Variants in GPR149 observed in about 807,000 individuals in gnomAD.
The protein encoded by GPR149 is G protein-coupled receptor 149.
Under a neutral mutation model 50.2 loss-of-function variants are expected in GPR149, and 50 were observed. The observed-to-expected ratio is 1.00, with a 90% CI of 0.79 to 1.26. GPR149 has a LOEUF of 1.26. GPR149 is among the 50% of genes most tolerant of loss of function. The probability of loss-of-function intolerance (pLI) is 0.00; values close to 1 mark genes in which losing one functional copy is unlikely to be tolerated. For synonymous variants in GPR149, 405 were observed against 358.2 expected, an observed-to-expected ratio of 1.13 and a Z score of -1.48; for missense variants, 983 against 895.4, an observed-to-expected ratio of 1.10 and a Z score of -1.25.
chr3:154,421,160 T>C lies in GPR149; in HGVS notation c.1502A>G (p.Asn501Ser), dbSNP rs1365223733. ...AFSDKTGGDI[N>S]YEETTFSEGP... ...TTCAGAAAAGGTAGTTTCTTCATAG[T>C]TAATATCACCTCCTGTTTTGTCAGA... is the stretch of plus-strand genomic sequence containing the variant. Residue 501 changes from asparagine to serine, a missense_variant, in exon 3 of 4, where the codon AAC (asparagine) becomes AGC (serine). Asn to Ser is a conservative substitution (Grantham distance 46). Coordinates refer to ENST00000389740, the MANE Select transcript of GPR149 (RefSeq NM_001038705.3). 5.0e-6 allele frequency: 8 copies of C among 1,613,346 alleles called. No homozygotes were observed. The highest frequency in any genetic ancestry group is 6.8e-6 in the Non-Finnish European group (8 of 1,179,560).
At position 154,338,204 on chromosome 3, in the gene GPR149, G is replaced by T. The variant is rs772174351; in HGVS notation, c.1691C>A (p.Thr564Lys). 3 of 1,613,908 alleles carry T rather than the reference G, an allele frequency of 1.9e-6. No individual in the cohort carries two copies. The South Asian group carries it at 3.3e-5, about 18-fold the overall frequency. Residue 564 changes from threonine (T) to lysine (K), a missense_variant, in exon 4 of 4, where the codon ACA (threonine) becomes AAA (lysine). Coordinates refer to ENST00000389740, the MANE Select transcript of GPR149 (RefSeq NM_001038705.3). ...GGTAGAAAGAGATAGGGTTTTCCCTGTAGGTGCATGGAGAGACACAGTCCC... is the reference window on the plus strand; with the variant it reads ...GGTAGAAAGAGATAGGGTTTTCCCTTTAGGTGCATGGAGAGACACAGTCCC... ...FQGTVSLHAPTGKTLSLSTYE... is the reference protein window; with the variant it reads ...FQGTVSLHAPKGKTLSLSTYE...
At chr3:154,427,419 T>C in intron 2 of GPR149, 97 bp downstream of exon 2, 1 of 941,904 alleles carries the variant, frequency 1.1e-6, no homozygotes, top group South Asian at 1.6e-5. Flanking sequence ...ATCCTTGGAC[T>C]CTCCATCCCC....
rs1713657735 is a variant in GPR149, at chr3:154,336,401, T to C, written c.*1298A>G. On this transcript the variant is annotated 3_prime_UTR_variant, in exon 4 of 4. Coordinates refer to ENST00000389740, the MANE Select transcript of GPR149 (RefSeq NM_001038705.3). ...ATAAATAAATAAAGTATGTGAGTGA[T>C]GTGAGGGGCACAAAGTCTAAGACTA... The C allele has an allele frequency of 6.6e-6, 1 of 152,118 alleles. No homozygotes were observed. The highest frequency in any genetic ancestry group is 6.5e-5 in the Admixed American group (1 of 15,278). 9.4% of individuals were successfully genotyped at this position (152,118 alleles called of 1,614,324 possible). A position where few individuals can be genotyped will look rare whatever the true frequency, so the allele number is the denominator to read the frequency against.
rs1229095086 is a variant in GPR149 at position 154,338,255 on chromosome 3, A to G, written c.1640T>C (p.Leu547Pro). 6.3e-7 allele frequency: 1 copy of G among 1,583,468 alleles called. No homozygotes were observed. Among genetic ancestry groups the G allele is most frequent in the Non-Finnish European group, 8.6e-7 (1 of 1,165,618 alleles). ...RTPRQRSGYALAIPLCAFQGT... is the reference protein window; with the variant it reads ...RTPRQRSGYAPAIPLCAFQGT... ...CTGGAATGCACACAAGGGAATGGCA[A>G]GGGCATAACCGGAACGCTGGGGACA... The change falls in exon 4 of 4, where the codon CTT becomes CCT. Residue 547 changes from leucine (L) to proline (P), a missense_variant. Leu to Pro is a moderately conservative substitution (Grantham distance 98). Coordinates refer to ENST00000389740, the MANE Select transcript of GPR149 (RefSeq NM_001038705.3).
intron 3 of GPR149, among the ~76,000 whole-genome samples, chr3:154,348,158 G>C (rs1282527827): frequency 6.6e-6 from 1 of 152,188 alleles, no homozygotes; most frequent in Non-Finnish European, 1.5e-5. Flanking sequence ...ATGTTTTTAA[G>C]CTTTCTAATC....
intron 3 of GPR149, chr3:154,352,855 C>G: frequency 3.2e-6 from 3 of 935,426 alleles, no homozygotes; most frequent in Non-Finnish European, 5.3e-6. Context: ...ACCTCTTTCT[C>G]TTGGTTGATA....
At chr3:154,369,044 A>C (rs1020105807) in intron 3 of GPR149, among the ~76,000 whole-genome samples, 8 of 152,214 alleles carry the variant, frequency 5.3e-5, no homozygotes, top group Non-Finnish European at 1.0e-4. Flanking sequence ...CGGTACATGG[A>C]GGGCTCAGGA....
chr3:154,429,083 G>A lies in GPR149; in HGVS notation c.533C>T (p.Thr178Met), dbSNP rs780542696. 6 of 1,613,800 alleles carry A rather than the reference G, an allele frequency of 3.7e-6. No individual in the cohort carries two copies. Among genetic ancestry groups the A allele is most frequent in the Admixed American group, 1.7e-5 (1 of 60,028 alleles). ...GCAGTCCACCAGGCAGCCCCAGGGC[G>A]TGCGCACGAAGGCGCCCCAGCCGCA... ...PLCGWGAFVR[T>M]PWGCLVDCSS... Residue 178 changes from threonine to methionine, a missense_variant, in exon 1 of 4, where the codon ACG (threonine) becomes ATG (methionine). Thr to Met is a moderately conservative substitution (Grantham distance 81). Transcript: ENST00000389740.
At chr3:154,386,859 T>C (rs1373509507) in intron 3 of GPR149, among the ~76,000 whole-genome samples, 1 of 152,206 alleles carries the variant, frequency 6.6e-6, no homozygotes. Flanking sequence ...TATATCTGAA[T>C]AGAAGAGCCA....
chr3:154,376,077 C>G (rs1312907056), intron 3 of GPR149, among the ~76,000 whole-genome samples: 1 of 152,194 alleles, frequency 6.6e-6, no homozygotes, highest in African/African-American at 2.4e-5. Flanking sequence ...TTCTCAGCCT[C>G]CATAATGATG....
chr3:154,352,803 T>C, intron 3 of GPR149: 2 of 843,470 alleles, frequency 2.4e-6, no homozygotes, highest in South Asian at 2.6e-5. Context: ...CACCTACACA[T>C]TTAAAAGTAA....
intron 2 of GPR149, among the ~76,000 whole-genome samples, chr3:154,424,579 G>A (rs1290869925): frequency 1.3e-5 from 2 of 151,772 alleles, no homozygotes; most frequent in Non-Finnish European, 3.0e-5. Context: ...TTTCGTGTGT[G>A]TGTCTGTGAA....
At chr3:154,412,935 G>A (rs1367212402) in intron 3 of GPR149, among the ~76,000 whole-genome samples, 3 of 151,996 alleles carry the variant, frequency 2.0e-5, no homozygotes, top group Non-Finnish European at 4.4e-5. Flanking sequence ...AAATAGCATG[G>A]TACTGGTATA....
chr3:154,357,403 A>C (rs1177578474), intron 3 of GPR149, among the ~76,000 whole-genome samples: 3 of 151,914 alleles, frequency 2.0e-5, no homozygotes, highest in South Asian at 2.1e-4. Context: ...GCAACCTACA[A>C]AATGGGAGAA....
chr3:154,345,544 T>C (rs1219333803), intron 3 of GPR149, among the ~76,000 whole-genome samples: 2 of 152,186 alleles, frequency 1.3e-5, no homozygotes, highest in African/African-American at 2.4e-5. Flanking sequence ...AGCTTTTTAT[T>C]TGGTAATAAA....
Position 154,335,920 on chromosome 3 carries a change from G to A in GPR149, c.*1779C>T, listed in dbSNP as rs1377220623. ...ATACATCTAAGTTTAAGATATCAAA[G>A]CCTATCTTCTACAAAGCATTATGAG... is the stretch of plus-strand genomic sequence containing the variant. On this transcript the variant is annotated 3_prime_UTR_variant, in exon 4 of 4. Transcript: ENST00000389740. The A allele has an allele frequency of 1.3e-5, 2 of 151,920 alleles. No homozygotes were observed. The highest frequency in any genetic ancestry group is 2.9e-5 in the Non-Finnish European group (2 of 67,916). 9.4% of individuals were successfully genotyped at this position (151,920 alleles called of 1,614,324 possible).
In GPR149 at chr3:154,362,510, G is replaced by C. The variant is rs138180306; in HGVS notation, c.1624-24239C>G. 8.1e-3 allele frequency among the ~76,000 whole-genome samples: 1,236 copies of C among 152,168 alleles called. 12 individuals carry two copies. Among genetic ancestry groups the C allele is most frequent in the Non-Finnish European group, 0.011 (720 of 67,990 alleles). ...AACTATTAAAAATATCAAAACTTCA[G>C]GGGGAAGAAACATTTATCATGAAGC... is the stretch of plus-strand genomic sequence containing the variant. On this transcript the variant is annotated intron_variant, in intron 3 of 3. Transcript: ENST00000389740.
chr3:154,421,579 C>A, intron 2 of GPR149, 92 bp from the exon 3 acceptor site: 2 of 611,550 alleles, frequency 3.3e-6, no homozygotes, highest in Non-Finnish European at 5.3e-6. Context: ...AAAGCGCATT[C>A]AACTTGATTA....
intron 3 of GPR149, chr3:154,353,704 A>G (rs1046891124): frequency 8.4e-7 from 1 of 1,188,046 alleles, no homozygotes; most frequent in Non-Finnish European, 1.2e-6. Flanking sequence ...ACCTTTGTTG[A>G]GCAGCTTTTT....
Sources: gnomAD v4.1 joint callset for allele counts (sites outside exome capture counted in the v4.1 genomes callset) on GRCh38, gnomAD v4.1.1 for gene constraint, MANE v1.5 for transcripts, NCBI Gene and HGNC (gene_info 2026-07-23, HGNC 2026-07-21) for gene names.